Variants in AXDND1 observed in about 807,000 individuals in gnomAD.
The protein encoded by AXDND1 is axonemal dynein light chain domain-containing protein 1.
In AXDND1, 110 loss-of-function variants were observed where a neutral mutation model predicts 137.5. That is an observed-to-expected ratio of 0.80 (90% CI 0.69 to 0.94). The LOEUF is 0.94. Ranked by LOEUF, AXDND1 falls within the 40% of genes least tolerant of loss-of-function variation. The probability of loss-of-function intolerance (pLI) is 0.00; values close to 1 mark genes in which losing one functional copy is unlikely to be tolerated. For missense variants in AXDND1, 1,191 were observed against 1,169.8 expected (o/e 1.02, Z -0.26); for synonymous variants, 414 against 399.7 (o/e 1.04, Z -0.43).
chr1:179,418,720 A>AC (rs1364308850), intron 12 of AXDND1, among the ~76,000 whole-genome samples: 18 of 141,804 alleles, frequency 1.3e-4, no homozygotes, highest in African/African-American at 4.6e-4. Flanking sequence ...CGGGGGGCTG[A>AC]CCCCCACCTC....
intron 23 of AXDND1, among the ~76,000 whole-genome samples, chr1:179,530,733 A>G (rs10494518): frequency 0.32 from 48,359 of 152,082 alleles, 8,336 homozygotes; most frequent in Middle Eastern, 0.43. Flanking sequence ...TAACCAAAAA[A>G]TCTGGAGAAA....
At chr1:179,508,619 A>G (rs966315266) in intron 20 of AXDND1, among the ~76,000 whole-genome samples, 2 of 152,162 alleles carry the variant, frequency 1.3e-5, no homozygotes, top group African/African-American at 2.4e-5. Context: ...AAAACCTGCT[A>G]TAGACCTTTC....
At chr1:179,434,538 G>C (rs1657856847) in intron 15 of AXDND1, among the ~76,000 whole-genome samples, 1 of 152,060 alleles carries the variant, frequency 6.6e-6, no homozygotes, top group African/African-American at 2.4e-5. Context: ...GGATGCAAGG[G>C]TGATTCAACA....
At chr1:179,437,707 C>A (rs1050232273) in intron 15 of AXDND1, among the ~76,000 whole-genome samples, 1 of 152,164 alleles carries the variant, frequency 6.6e-6, no homozygotes, top group African/African-American at 2.4e-5. Flanking sequence ...ATTCCAAGAA[C>A]TACATATAAG....
Position 179,528,349 on chromosome 1 carries a change from A to G in AXDND1, c.2633A>G (p.Lys878Arg). The change falls in exon 23 of 26, where the codon AAG becomes AGG. Residue 878 changes from lysine (K) to arginine (R), a missense_variant. By Grantham distance (26) the Lys-to-Arg change is conservative (BLOSUM62 2). Transcript: ENST00000367618. ...TAGCAACCTTCAACATCTACAGAGA[A>G]GGAAAAACTCATTCGATTCATTGGA... Reference protein sequence around the residue: ...AEEQPSTSTEKEKLIRFIGED... With the variant: ...AEEQPSTSTEREKLIRFIGED... 6.2e-7 allele frequency: 1 copy of G among 1,613,808 alleles called. No individual in the cohort carries two copies.
chr1:179,371,589 G>A (rs1353541047), intron 4 of AXDND1, among the ~76,000 whole-genome samples: 1 of 152,128 alleles, frequency 6.6e-6, no homozygotes, highest in Non-Finnish European at 1.5e-5. Context: ...CCTGGGAAAA[G>A]GGACTTTACA....
At chr1:179,544,680 A>AAAAT (rs965507198) in intron 25 of AXDND1, 6 of 151,636 alleles carry the variant, frequency 4.0e-5, no homozygotes, top group African/African-American at 1.5e-4. Flanking sequence ...TCTCAAAAAA[A>AAAAT]AAAAAAAAAG....
In AXDND1 at chr1:179,440,961, G is replaced by A. The variant is rs577937825; in HGVS notation, c.1564-4009G>A. Among the ~76,000 whole-genome samples the A allele has an allele frequency of 9.2e-5, 14 of 152,314 alleles. No homozygotes were observed. The South Asian group carries it at 1.9e-3, about 20-fold the overall frequency. On this transcript the variant is annotated intron_variant, in intron 15 of 25. Coordinates refer to ENST00000367618, the MANE Select transcript of AXDND1 (RefSeq NM_144696.6). ...AACCCCAGAGGTCATTATTGTTTGA[G>A]TATGTTTTGGTCCACAGATAGTGGC... is the stretch of plus-strand genomic sequence containing the variant.
intron 21 of AXDND1, among the ~76,000 whole-genome samples, chr1:179,516,708 A>G (rs894576884): frequency 6.6e-6 from 1 of 152,022 alleles, no homozygotes; most frequent in Non-Finnish European, 1.5e-5. Context: ...GCTGAACTGT[A>G]GTAATTGTTA....
chr1:179,554,681 G>A lies in AXDND1; in HGVS notation c.*162G>A, dbSNP rs1673810266. 1 of 1,053,522 alleles carries A rather than the reference G, an allele frequency of 9.5e-7. No homozygotes were observed. The highest frequency in any genetic ancestry group is 1.4e-6 in the Non-Finnish European group (1 of 693,384). The allele number at this position is 1,053,522 out of a possible 1,614,324, so 65.3% of individuals were successfully genotyped here. A position where few individuals can be genotyped will look rare whatever the true frequency, so the allele number is the denominator to read the frequency against. ...GTTGTATTTAACTTCACAGTGCCTT[G>A]CAAAGAGTTGTTTAACTTGCATGGT... On this transcript the variant is annotated 3_prime_UTR_variant, in exon 26 of 26. Coordinates refer to ENST00000367618, the MANE Select transcript of AXDND1 (RefSeq NM_144696.6).
At chr1:179,380,065 C>T (rs1047235335) in intron 6 of AXDND1, among the ~76,000 whole-genome samples, 2 of 151,604 alleles carry the variant, frequency 1.3e-5, no homozygotes, top group African/African-American at 2.4e-5. Flanking sequence ...CTGGCTAACA[C>T]GGTGAAACTC....
At chr1:179,472,037 G>A (rs755440944) in intron 17 of AXDND1, among the ~76,000 whole-genome samples, 4 of 151,940 alleles carry the variant, frequency 2.6e-5, no homozygotes, top group African/African-American at 7.3e-5. Flanking sequence ...TGGGATTACC[G>A]GCATGTGCCA....
intron 12 of AXDND1, among the ~76,000 whole-genome samples, chr1:179,423,745 C>T (rs1571770390): frequency 6.6e-6 from 1 of 152,152 alleles, no homozygotes; most frequent in East Asian, 1.9e-4. Flanking sequence ...CTCTATTCTC[C>T]TCAACATTTT....
At chr1:179,536,433 T>C (rs1671568463) in intron 25 of AXDND1, among the ~76,000 whole-genome samples, 1 of 152,226 alleles carries the variant, frequency 6.6e-6, no homozygotes, top group African/African-American at 2.4e-5. Flanking sequence ...TGCATATGGC[T>C]GGCTAGTTTT....
chr1:179,423,450 A>C (rs1413058792), intron 12 of AXDND1, among the ~76,000 whole-genome samples: 1 of 152,176 alleles, frequency 6.6e-6, no homozygotes, highest in Non-Finnish European at 1.5e-5. Context: ...TATTATTGAT[A>C]AGTAAGGATT....
chr1:179,526,975 G>A (rs1270656340), intron 22 of AXDND1, among the ~76,000 whole-genome samples: 1 of 152,204 alleles, frequency 6.6e-6, no homozygotes, highest in African/African-American at 2.4e-5. Flanking sequence ...TACAGGAAAG[G>A]TGTCATGATT....
At chr1:179,517,047 A>G (rs547225926) in intron 21 of AXDND1, among the ~76,000 whole-genome samples, 167 of 151,966 alleles carry the variant, frequency 1.1e-3, no homozygotes, top group Non-Finnish European at 2.0e-3. Flanking sequence ...TACCCTACCC[A>G]CCCTTTGTCT....
intron 15 of AXDND1, 28 bp from the exon 16 acceptor site, chr1:179,444,942 T>C (rs957517001): frequency 3.2e-5 from 47 of 1,491,086 alleles, no homozygotes; most frequent in Non-Finnish European, 4.3e-5. Flanking sequence ...GATAATATGC[T>C]ACTCTCCCTC....
chr1:179,390,095 C>A (rs1167427299), intron 9 of AXDND1, among the ~76,000 whole-genome samples: 1 of 151,674 alleles, frequency 6.6e-6, no homozygotes, highest in African/African-American at 2.4e-5. Flanking sequence ...CTCACTGCAA[C>A]CTCTGCCTCC....
Sources: gnomAD v4.1 joint callset for allele counts (sites outside exome capture counted in the v4.1 genomes callset) on GRCh38, gnomAD v4.1.1 for gene constraint, MANE v1.5 for transcripts, NCBI Gene and HGNC (gene_info 2026-07-23, HGNC 2026-07-21) for gene names.